Variants in DDX54 observed in about 807,000 individuals in gnomAD.
The protein encoded by DDX54 is ATP-dependent RNA helicase DDX54.
In DDX54, 67 loss-of-function variants were observed where a neutral mutation model predicts 105.5. That is an observed-to-expected ratio of 0.64 (90% confidence interval 0.52 to 0.78). The LOEUF is 0.78. Ranked by LOEUF, DDX54 falls within the 30% of genes least tolerant of loss-of-function variation. DDX54 has a pLI of 0.00. For synonymous variants in DDX54, 514 were observed against 509.9 expected (o/e 1.01, Z -0.11); for missense variants, 1,206 against 1,230.5 (o/e 0.98, Z 0.30).
chr12:113,184,988 A>G (rs1240570125), intron 1 of DDX54, among the ~76,000 whole-genome samples: 1 of 152,160 alleles, frequency 6.6e-6, no homozygotes, highest in Non-Finnish European at 1.5e-5. Context: ...GGGAGCCAGG[A>G]TCCGCCCCAC....
chr12:113,173,504 G>C (rs1370545151), intron 10 of DDX54, among the ~76,000 whole-genome samples: 1 of 152,238 alleles, frequency 6.6e-6, no homozygotes, highest in African/African-American at 2.4e-5. Flanking sequence ...GTAGCTGACA[G>C]GGAGGCAGGC....
intron 3 of DDX54, 138 bp downstream of exon 3, chr12:113,179,797 C>T (rs1952444813): frequency 1.0e-6 from 1 of 1,000,938 alleles, no homozygotes; most frequent in Non-Finnish European, 1.5e-6. Context: ...AGGAAGTGGG[C>T]ACGCTAGCTG....
rs199869853 is a variant in DDX54, at chr12:113,169,883, C to A, written c.1301G>T (p.Arg434Leu). The change falls in exon 12 of 20, where the codon CGA becomes CTA. Residue 434 changes from arginine (R) to leucine (L), a missense_variant. By Grantham distance (102) the Arg-to-Leu change is moderately radical (BLOSUM62 -2). This residue lies in a region of DDX54 where 961 missense variants were observed against 1,019.1 expected (regional missense o/e 0.94). Coordinates refer to ENST00000306014, the MANE Select transcript of DDX54 (RefSeq NM_024072.4). Reference protein sequence around the residue: ...HRVGRVARAGRSGTAYSLVAP... With the variant: ...HRVGRVARAGLSGTAYSLVAP... ...CACCAAGGAGTAGGCTGTGCCACTT[C>A]GGCCAGCCCGAGCCACACGGCCTGC... 3.7e-6 allele frequency: 6 copies of A among 1,613,366 alleles called. No homozygotes were observed. Among genetic ancestry groups the A allele is most frequent in the East Asian group, 2.2e-5 (1 of 44,864 alleles).
intron 18 of DDX54, 113 bp downstream of exon 18, chr12:113,161,780 G>GGCCCGCC: frequency 3.9e-6 from 1 of 254,868 alleles, no homozygotes; most frequent in Non-Finnish European, 7.6e-6. Context: ...AAGCCGCTCA[G>GGCCCGCC]CCCCGCCCCC....
chr12:113,161,728 G>GC (rs1332790219), intron 18 of DDX54, among the ~76,000 whole-genome samples, 165 bp downstream of exon 18: 1 of 146,090 alleles, frequency 6.8e-6, no homozygotes, highest in African/African-American at 2.6e-5. Context: ...GCTCGGCCCC[G>GC]CCCCCAGCAC....
intron 5 of DDX54, among the ~76,000 whole-genome samples, chr12:113,178,733 G>A (rs1425090617): frequency 6.6e-6 from 1 of 152,098 alleles, no homozygotes; most frequent in African/African-American, 2.4e-5. Flanking sequence ...AGTAGAGACA[G>A]GGTTCTGCTA....
intron 5 of DDX54, among the ~76,000 whole-genome samples, chr12:113,177,962 C>A (rs1040823622): frequency 6.6e-6 from 1 of 152,240 alleles, no homozygotes; most frequent in Non-Finnish European, 1.5e-5. Context: ...CACAGCCAGG[C>A]GTGGTGGCTT....
At chr12:113,170,987 C>T (rs931940429) in intron 11 of DDX54, among the ~76,000 whole-genome samples, 2 of 152,204 alleles carry the variant, frequency 1.3e-5, no homozygotes, top group African/African-American at 4.8e-5. Flanking sequence ...TTTGGTTTGT[C>T]TCTGTATCTT....
At chr12:113,175,009 C>T (rs755819926) in intron 8 of DDX54, 27 bp downstream of exon 8, 4 of 1,612,956 alleles carry the variant, frequency 2.5e-6, no homozygotes, top group East Asian at 2.2e-5. Flanking sequence ...GACCCCCAGC[C>T]CCCATCTCCA....
intron 12 of DDX54, chr12:113,168,038 C>T (rs554176478): frequency 4.0e-5 from 18 of 449,512 alleles, no homozygotes; most frequent in African/African-American, 6.2e-5. Flanking sequence ...TTCACCCCTG[C>T]GTGGCGCCCG....
At chr12:113,159,426 T>TA (rs1350861132) in intron 19 of DDX54, 1 of 426,436 alleles carries the variant, frequency 2.3e-6, no homozygotes, top group African/African-American at 2.0e-5. Context: ...GGGTGAAGAG[T>TA]AAATGCATTT....
intron 1 of DDX54, chr12:113,183,845 T>C (rs1228079594): frequency 6.6e-6 from 1 of 152,070 alleles, no homozygotes; most frequent in Non-Finnish European, 1.5e-5. Flanking sequence ...GGAGTGCAGT[T>C]GTGTAGCCAC....
chr12:113,175,085 C>T lies in DDX54; in HGVS notation c.825G>A (p.Val275=). 2 of 1,613,978 alleles carry T rather than the reference C, an allele frequency of 1.2e-6. No homozygotes were observed. The highest frequency in any genetic ancestry group is 1.7e-6 in the Non-Finnish European group (2 of 1,180,020). Residue 275 remains valine (V), a synonymous_variant, in exon 8 of 20, where the codon GTG becomes GTA. Coordinates refer to ENST00000306014, the MANE Select transcript of DDX54 (RefSeq NM_024072.4). ...GTTTGGGCAGCGTGGCGGAGAACAG[C>T]ACCGTCTGGTGGCCCCCGGGGAGGC... ...IARLPGGHQT[V]LFSATLPKLL... is the part of the protein sequence containing the mutation.
At chr12:113,180,768 C>T (rs1390526679) in intron 2 of DDX54, among the ~76,000 whole-genome samples, 161 bp downstream of exon 2, 2 of 152,196 alleles carry the variant, frequency 1.3e-5, no homozygotes, top group Admixed American at 1.3e-4. Context: ...AGGCCCGCTG[C>T]CCCACTAGAA....
intron 12 of DDX54, among the ~76,000 whole-genome samples, chr12:113,167,084 T>C (rs1952286181): frequency 6.6e-6 from 1 of 152,114 alleles, no homozygotes; most frequent in Non-Finnish European, 1.5e-5. Flanking sequence ...CTACAAAATA[T>C]ATACAACAGT....
rs563454219 is a variant in DDX54 at position 113,162,872 on chromosome 12, G to A, written c.2195+60C>T. 9 of 1,481,224 alleles carry A rather than the reference G, an allele frequency of 6.1e-6. No individual in the cohort carries two copies. In the Admixed American group the frequency reaches 1.5e-4, roughly 24 times the overall value. The allele number at this position is 1,481,224 out of a possible 1,614,324, so 91.8% of individuals were successfully genotyped here. A position where few individuals can be genotyped will look rare whatever the true frequency, so the allele number is the denominator to read the frequency against. ...CTCGATCACTCACCCCAGGCACGGAGGAGCAGCTCACTCGGTCACTCACCC... is the reference window on the plus strand; with the variant it reads ...CTCGATCACTCACCCCAGGCACGGAAGAGCAGCTCACTCGGTCACTCACCC... On this transcript the variant is annotated intron_variant, in intron 17 of 19. Transcript: ENST00000306014.
chr12:113,182,784 C>T (rs553241876), intron 1 of DDX54, among the ~76,000 whole-genome samples: 30 of 151,898 alleles, frequency 2.0e-4, no homozygotes, highest in Non-Finnish European at 2.5e-4. Flanking sequence ...CTCAAACTCC[C>T]GACCTCAAGT....
At chr12:113,166,281 C>T (rs767054783) in intron 12 of DDX54, among the ~76,000 whole-genome samples, 2 of 152,200 alleles carry the variant, frequency 1.3e-5, no homozygotes, top group African/African-American at 2.4e-5. Context: ...TCTACGGGAG[C>T]ACAGCTCACT....
Position 113,161,318 on chromosome 12 carries a change from C to G in DDX54, c.2365G>C (p.Asp789His). Residue 789 changes from aspartate (D) to histidine (H), a missense_variant, in exon 19 of 20, where the codon GAC (aspartate) becomes CAC (histidine). By Grantham distance (81) the Asp-to-His change is moderately conservative. This residue lies in a region of DDX54 where 961 missense variants were observed against 1,019.1 expected (regional missense o/e 0.94). Coordinates refer to ENST00000306014, the MANE Select transcript of DDX54 (RefSeq NM_024072.4). ...CCTCTTCGCTCTGGGCCTCGCCGGT[C>G]AGATGCCCCTTCTTCGTCCGAGTCA... ...DRDSDEEGAS[D>H]RRGPERRGGK... 1.9e-6 allele frequency: 3 copies of G among 1,613,722 alleles called. No individual in the cohort carries two copies. Among genetic ancestry groups the G allele is most frequent in the Non-Finnish European group, 2.5e-6 (3 of 1,179,802 alleles).
Sources: allele counts gnomAD v4.1 joint callset (sites outside exome capture counted in the v4.1 genomes callset), GRCh38; gene constraint gnomAD v4.1.1; regional missense constraint gnomAD v4.1.1; transcripts MANE v1.5; gene names NCBI Gene and HGNC (gene_info 2026-07-23, HGNC 2026-07-21).